CLASP2: variants seen among roughly 807,000 people sequenced by gnomAD.
CLASP2 encodes the protein CLIP-associating protein 2.
In CLASP2, 47 loss-of-function variants were observed where a neutral mutation model predicts 194.4. That is an observed-to-expected ratio of 0.24 (90% CI 0.19 to 0.31). The LOEUF is 0.31. Among genes scored for constraint, CLASP2 ranks in the 10% least tolerant of loss-of-function variants. The pLI, the probability that CLASP2 is intolerant of heterozygous loss-of-function variation, is 1.00. For missense variants in CLASP2, 1,445 were observed against 1,823.6 expected (o/e 0.79, Z 3.78); for synonymous variants, 619 against 633.5 (o/e 0.98, Z 0.34).
rs371839059 is a variant in CLASP2 at position 33,696,866 on chromosome 3, T to C, written c.263A>G (p.Tyr88Cys). The C allele has an allele frequency of 2.6e-5, 41 of 1,587,942 alleles. No homozygotes were observed. The highest frequency in any genetic ancestry group is 1.7e-4 in the Middle Eastern group (1 of 6,026). Residue 88 changes from tyrosine to cysteine, a missense_variant, in exon 2 of 39, where the codon TAT becomes TGT. Coordinates refer to ENST00000682230, the MANE Select transcript of CLASP2 (RefSeq NM_001365631.1). ...CAAAGTTAACTTACCCATTGCTACA[T>C]AGGATTTAAAGCGTGTTGATAATCT... ...VDRLSTRFKS[Y>C]VAMVIVALID...
chr3:33,556,277 A>C (rs575990339), intron 29 of CLASP2, among the ~76,000 whole-genome samples: 18 of 152,222 alleles, frequency 1.2e-4, no homozygotes, highest in Admixed American at 2.0e-4. Context: ...TCTGATACTC[A>C]AGTTACATGT....
intron 9 of CLASP2, chr3:33,627,324 G>A: frequency 2.3e-6 from 1 of 437,572 alleles, no homozygotes; most frequent in South Asian, 2.6e-5. Flanking sequence ...CTCTCAAAAT[G>A]CTTTGTAATT....
In CLASP2 at chr3:33,606,671, T is replaced by C. The variant is rs746566735; in HGVS notation, c.1614A>G (p.Gln538=). ...CACTGCCAGAACTCTTTAAGTAAGT[T>C]TGAAGACTCTTCTGATAAGATGGCT... ...SLEPSYQKSL[Q]TYLKSSGSVA... is the part of the protein sequence containing the mutation. Residue 538 remains glutamine, a synonymous_variant, in exon 16 of 39, where the codon CAA becomes CAG. Coordinates refer to ENST00000682230, the MANE Select transcript of CLASP2 (RefSeq NM_001365631.1). 2 of 1,613,548 alleles carry C rather than the reference T, an allele frequency of 1.2e-6. No homozygotes were observed. Among genetic ancestry groups the C allele is most frequent in the Non-Finnish European group, 1.7e-6 (2 of 1,179,518 alleles).
chr3:33,544,873 T>C (rs746964898), intron 30 of CLASP2, 32 bp from the exon 31 acceptor site: 49 of 1,532,620 alleles, frequency 3.2e-5, no homozygotes, highest in South Asian at 2.0e-4. Flanking sequence ...TAGATGAATA[T>C]ATTTTTGTTA....
intron 10 of CLASP2, among the ~76,000 whole-genome samples, chr3:33,625,655 A>C (rs2077911321): frequency 6.6e-6 from 1 of 151,822 alleles, no homozygotes; most frequent in Admixed American, 6.6e-5. Context: ...AAAAGGATAT[A>C]CTCTAAAATG....
chr3:33,618,246 C>A (rs1355434141), intron 12 of CLASP2, among the ~76,000 whole-genome samples: 1 of 152,010 alleles, frequency 6.6e-6, no homozygotes, highest in Non-Finnish European at 1.5e-5. Flanking sequence ...CCGCGCCCGG[C>A]CTGGTGAGGA....
intron 1 of CLASP2, among the ~76,000 whole-genome samples, chr3:33,713,032 A>G (rs1042124071): frequency 1.3e-5 from 2 of 150,470 alleles, no homozygotes; most frequent in Non-Finnish European, 3.0e-5. Flanking sequence ...AAAAAAAAAA[A>G]AAAAAAAGAA....
At chr3:33,694,486 C>A (rs2091669251) in intron 2 of CLASP2, among the ~76,000 whole-genome samples, 1 of 152,186 alleles carries the variant, frequency 6.6e-6, no homozygotes, top group African/African-American at 2.4e-5. Context: ...GCAACAGTCA[C>A]AAACACAAAT....
intron 36 of CLASP2, 63 bp downstream of exon 36, chr3:33,515,960 C>A: frequency 6.7e-7 from 1 of 1,483,340 alleles, no homozygotes; most frequent in Middle Eastern, 1.9e-4. Flanking sequence ...ACATTTTACA[C>A]AATGGTTACA....
rs2045930845 is a variant in CLASP2 at position 33,497,382 on chromosome 3, C to A, written c.*1249G>T. ...CCTGGTTCCAAATTATCTAATTTAG[C>A]CTTTCACCAAAACTGGTAATTTTTG... On this transcript the variant is annotated 3_prime_UTR_variant, in exon 39 of 39. Coordinates refer to ENST00000682230, the MANE Select transcript of CLASP2 (RefSeq NM_001365631.1). 1 of 152,456 alleles carries A rather than the reference C, an allele frequency of 6.6e-6. No individual in the cohort carries two copies. The highest frequency in any genetic ancestry group is 1.5e-5 in the Non-Finnish European group (1 of 68,002). The allele number at this position is 152,456 out of a possible 1,614,324, so 9.4% of individuals were successfully genotyped here.
intron 29 of CLASP2, among the ~76,000 whole-genome samples, chr3:33,556,660 C>T (rs1370101856): frequency 1.3e-5 from 2 of 152,094 alleles, no homozygotes; most frequent in African/African-American, 4.8e-5. Flanking sequence ...TGGTCACAAA[C>T]TACTGACCTC....
chr3:33,530,872 G>A (rs1048739346), intron 34 of CLASP2, among the ~76,000 whole-genome samples: 1 of 152,126 alleles, frequency 6.6e-6, no homozygotes. Context: ...TCATGGATTG[G>A]AACACTTAAT....
At chr3:33,541,593 G>A (rs1285341208) in intron 32 of CLASP2, among the ~76,000 whole-genome samples, 1 of 151,988 alleles carries the variant, frequency 6.6e-6, no homozygotes, top group Non-Finnish European at 1.5e-5. Context: ...GTATTTTTTT[G>A]TTGTTGTTCT....
At chr3:33,568,544 ATCT>A (rs1357538399) in intron 26 of CLASP2, among the ~76,000 whole-genome samples, 4 of 139,762 alleles carry the variant, frequency 2.9e-5, no homozygotes, top group Non-Finnish European at 6.1e-5. Flanking sequence ...ACAGAAAGAG[ATCT>A]TGTCTCAAAA....
intron 32 of CLASP2, among the ~76,000 whole-genome samples, chr3:33,539,392 T>C (rs1363568127): frequency 1.3e-5 from 2 of 152,186 alleles, no homozygotes; most frequent in Non-Finnish European, 2.9e-5. Context: ...TGGAATGTGA[T>C]GGCGTGATCT....
intron 7 of CLASP2, among the ~76,000 whole-genome samples, chr3:33,656,205 A>C (rs1316707391): frequency 1.3e-5 from 2 of 152,202 alleles, no homozygotes; most frequent in African/African-American, 4.8e-5. Context: ...CTAGAAATAA[A>C]ACTGCTAATG....
chr3:33,611,458 CTT>C (rs1192187478), intron 13 of CLASP2, among the ~76,000 whole-genome samples: 4 of 152,110 alleles, frequency 2.6e-5, no homozygotes, highest in South Asian at 2.1e-4. Context: ...GAGAAACTCT[CTT>C]GTTATTCAGG....
chr3:33,672,209 T>G (rs1286191580), intron 6 of CLASP2, among the ~76,000 whole-genome samples: 1 of 152,186 alleles, frequency 6.6e-6, no homozygotes, highest in African/African-American at 2.4e-5. Flanking sequence ...AAGGGCAGAC[T>G]GACACCTCAC....
intron 38 of CLASP2, among the ~76,000 whole-genome samples, chr3:33,499,003 T>C (rs1465833942): frequency 6.6e-6 from 1 of 152,160 alleles, no homozygotes. Flanking sequence ...AGGGATCACA[T>C]ATAAAACTTT....
Sources: gnomAD v4.1 joint callset for allele counts (sites outside exome capture counted in the v4.1 genomes callset) on GRCh38, gnomAD v4.1.1 for gene constraint, MANE v1.5 for transcripts, NCBI Gene and HGNC (gene_info 2026-07-23, HGNC 2026-07-21) for gene names.